PELI2: variants seen among roughly 807,000 people sequenced by gnomAD.
PELI2 encodes the protein E3 ubiquitin-protein ligase pellino homolog 2.
PELI2 carries 23 observed loss-of-function variants against 42.3 expected under a neutral mutation model. The ratio of observed to expected loss-of-function variants is 0.54; its 90% CI spans 0.39 to 0.77. The LOEUF is 0.77. Among genes scored for constraint, PELI2 ranks in the 30% least tolerant of loss-of-function variants. The probability of loss-of-function intolerance (pLI) is 0.00; values close to 1 mark genes in which losing one functional copy is unlikely to be tolerated. For synonymous variants in PELI2, 245 were observed against 212.2 expected (o/e 1.15, Z -1.34); for missense variants, 463 against 553.2 (o/e 0.84, Z 1.64).
chr14:56,118,948 G>C (rs1207697805), intron 1 of PELI2, among the ~76,000 whole-genome samples: 2 of 150,794 alleles, frequency 1.3e-5, no homozygotes, highest in African/African-American at 2.4e-5. Flanking sequence ...GCCGGGCTGC[G>C]CTGTCCGCGC....
chr14:56,161,723 C>A (rs369547042), intron 1 of PELI2, among the ~76,000 whole-genome samples: 2 of 151,950 alleles, frequency 1.3e-5, no homozygotes, highest in East Asian at 3.8e-4. Flanking sequence ...TGAATGAATA[C>A]ATATATATAT....
intron 1 of PELI2, among the ~76,000 whole-genome samples, chr14:56,137,868 A>G (rs1883740778): frequency 6.6e-6 from 1 of 152,204 alleles, no homozygotes; most frequent in South Asian, 2.1e-4. Flanking sequence ...AGTTGATGTC[A>G]CATATTTCAG....
intron 3 of PELI2, among the ~76,000 whole-genome samples, chr14:56,287,041 G>A (rs1255387284): frequency 6.6e-6 from 1 of 152,170 alleles, no homozygotes; most frequent in Admixed American, 6.5e-5. Context: ...AGTAATTTCT[G>A]TACACAAGAA....
At position 56,179,438 on chromosome 14, in the gene PELI2, C is replaced by T. The variant is rs1179980951; in HGVS notation, c.207+974C>T. ...TTAATGTTTTTATTTTTAAAAAGCT[C>T]CTATTTCTGAAGCAGTGCCATTGAA... On this transcript the variant is annotated intron_variant, in intron 2 of 5. Transcript: ENST00000267460. Among the ~76,000 whole-genome samples, 4 of 152,022 alleles carry T rather than the reference C, an allele frequency of 2.6e-5. No individual in the cohort carries two copies. The East Asian group carries it at 7.7e-4, about 29-fold the overall frequency.
chr14:56,235,981 G>A (rs1887779510), intron 2 of PELI2, among the ~76,000 whole-genome samples: 1 of 152,004 alleles, frequency 6.6e-6, no homozygotes, highest in African/African-American at 2.4e-5. Flanking sequence ...TTAACTGTTG[G>A]TCCTTGACAT....
chr14:56,152,796 A>G (rs899677085), intron 1 of PELI2, among the ~76,000 whole-genome samples: 2 of 152,256 alleles, frequency 1.3e-5, no homozygotes, highest in Non-Finnish European at 2.9e-5. Context: ...ATTTGTAAAA[A>G]GATGGCTGTA....
intron 1 of PELI2, among the ~76,000 whole-genome samples, chr14:56,134,212 T>C (rs1474492153): frequency 3.3e-5 from 5 of 152,214 alleles, no homozygotes; most frequent in African/African-American, 7.2e-5. Context: ...GTTACAGTCA[T>C]GAGTACAGAG....
chr14:56,147,060 C>G (rs1157681338), intron 1 of PELI2, among the ~76,000 whole-genome samples: 2 of 152,128 alleles, frequency 1.3e-5, no homozygotes, highest in East Asian at 3.9e-4. Context: ...AGGATTTAGT[C>G]TTTTGAGTCT....
intron 1 of PELI2, among the ~76,000 whole-genome samples, chr14:56,172,678 G>A (rs910159126): frequency 3.3e-5 from 5 of 152,150 alleles, no homozygotes; most frequent in African/African-American, 9.7e-5. Context: ...AATGGGTGTG[G>A]GTACTTTTCA....
chr14:56,140,346 GA>G (rs1883861522), intron 1 of PELI2, among the ~76,000 whole-genome samples: 1 of 152,146 alleles, frequency 6.6e-6, no homozygotes, highest in Non-Finnish European at 1.5e-5. Flanking sequence ...CACTTTAAAT[GA>G]AAGCCATTTG....
chr14:56,166,502 T>A (rs1357310183), intron 1 of PELI2, among the ~76,000 whole-genome samples: 1 of 152,216 alleles, frequency 6.6e-6, no homozygotes, highest in Non-Finnish European at 1.5e-5. Context: ...CTCATTAATG[T>A]CCTTTTCTTT....
At chr14:56,267,860 C>T (rs559186408) in intron 2 of PELI2, among the ~76,000 whole-genome samples, 1 of 152,212 alleles carries the variant, frequency 6.6e-6, no homozygotes, top group East Asian at 1.9e-4. Flanking sequence ...ATTTTGTTTT[C>T]TTTGGAGCTT....
In PELI2 at chr14:56,204,314, A is replaced by G. The variant is rs751996885; in HGVS notation, c.207+25850A>G. On this transcript the variant is annotated intron_variant, in intron 2 of 5. Transcript: ENST00000267460. The stretch of plus-strand genomic sequence containing the variant: ...TGGCAGCAAAACTAAAGAGTAGGTG[A>G]CAGCTTAGAGCGATATTCATATAGT... Among the ~76,000 whole-genome samples, 58 of 152,188 alleles carry G rather than the reference A, an allele frequency of 3.8e-4. 1 individual carries two copies. Among genetic ancestry groups the G allele is most frequent in the Admixed American group, 2.5e-3 (38 of 15,284 alleles).
intron 2 of PELI2, among the ~76,000 whole-genome samples, chr14:56,256,164 A>T (rs964769076): frequency 2.6e-5 from 4 of 152,182 alleles, no homozygotes; most frequent in Non-Finnish European, 5.9e-5. Flanking sequence ...GCAGTGGCTC[A>T]TGCCTGTAAT....
At chr14:56,263,017 C>T (rs1401360485) in intron 2 of PELI2, among the ~76,000 whole-genome samples, 3 of 152,036 alleles carry the variant, frequency 2.0e-5, no homozygotes, top group East Asian at 1.9e-4. Context: ...TGTGCAGTGG[C>T]GTGATCTTGG....
At chr14:56,186,606 G>A (rs1885778181) in intron 2 of PELI2, among the ~76,000 whole-genome samples, 1 of 152,156 alleles carries the variant, frequency 6.6e-6, no homozygotes, top group Non-Finnish European at 1.5e-5. Context: ...GAAATGAAAG[G>A]TTGGGGAAGA....
At chr14:56,295,434 A>G (rs1288728609) in intron 5 of PELI2, among the ~76,000 whole-genome samples, 1 of 151,990 alleles carries the variant, frequency 6.6e-6, no homozygotes, top group African/African-American at 2.4e-5. Flanking sequence ...CCCTTGGTGC[A>G]TATGCCATTT....
intron 2 of PELI2, among the ~76,000 whole-genome samples, chr14:56,225,629 G>T (rs1288485596): frequency 6.6e-6 from 1 of 152,212 alleles, no homozygotes; most frequent in African/African-American, 2.4e-5. Flanking sequence ...AGGGGCAGGG[G>T]CAGCGGTCAC....
At position 56,138,790 on chromosome 14, in the gene PELI2, G is replaced by T. The variant is rs77255958; in HGVS notation, c.77+20053G>T. 7.5e-3 allele frequency among the ~76,000 whole-genome samples: 1,143 copies of T among 152,310 alleles called. 17 individuals are homozygous for T. Among genetic ancestry groups the T allele is most frequent in the African/African-American group, 0.027 (1,104 of 41,562 alleles). ...GCATATTGTCAGTCTAGTAATGTCT[G>T]TCATTCATTCACTCAGCTTGTGTGA... On this transcript the variant is annotated intron_variant, in intron 1 of 5. Coordinates refer to ENST00000267460, the MANE Select transcript of PELI2 (RefSeq NM_021255.3).
Sources: allele counts gnomAD v4.1 joint callset (sites outside exome capture counted in the v4.1 genomes callset), GRCh38; gene constraint gnomAD v4.1.1; transcripts MANE v1.5; gene names NCBI Gene and HGNC (gene_info 2026-07-23, HGNC 2026-07-21).